FSTL1: variants seen among roughly 807,000 people sequenced by gnomAD.
FSTL1 encodes follistatin-related protein 1.
FSTL1 carries 24 observed loss-of-function variants against 45.9 expected under a neutral mutation model. The observed-to-expected ratio is 0.52, with a 90% confidence interval of 0.38 to 0.74. The LOEUF is 0.74. Among genes scored for constraint, FSTL1 ranks in the 30% least tolerant of loss-of-function variants. The pLI is 0.00. For synonymous variants in FSTL1, 120 were observed against 137.6 expected (o/e 0.87, Z 0.89); for missense variants, 340 against 381.8 (o/e 0.89, Z 0.91).
rs561501368 is a variant in FSTL1 at position 120,414,325 on chromosome 3, T to A, written c.168+1598A>T. 6.3e-3 allele frequency among the ~76,000 whole-genome samples: 959 copies of A among 151,246 alleles called. 5 individuals carry two copies. Among genetic ancestry groups the A allele is most frequent in the Non-Finnish European group, 0.011 (729 of 67,768 alleles). On this transcript the variant is annotated intron_variant, in intron 3 of 10. Transcript: ENST00000295633. ...GTCTCTGCCCGGCCGCCATCCCACC[T>A]AGGAAGTGAGGAGCACCTCTTCCCG...
chr3:120,450,643 GC>G (rs759481199), intron 2 of FSTL1, 40 bp downstream of exon 2: 12 of 1,419,802 alleles, frequency 8.5e-6, no homozygotes, highest in Admixed American at 4.5e-5. Context: ...GACCCAAGAG[GC>G]CCCGGGGACC....
At chr3:120,431,907 G>A (rs1455270755) in intron 2 of FSTL1, among the ~76,000 whole-genome samples, 1 of 152,150 alleles carries the variant, frequency 6.6e-6, no homozygotes. Context: ...CAGGCGTCAT[G>A]GGCACTTAGG....
intron 2 of FSTL1, among the ~76,000 whole-genome samples, chr3:120,425,281 C>T (rs549420826): frequency 1.3e-5 from 2 of 151,770 alleles, no homozygotes; most frequent in African/African-American, 4.8e-5. Context: ...GGGAGGAAAA[C>T]CAGGAAGCCT....
chr3:120,395,482 C>T lies in FSTL1; in HGVS notation c.*1470G>A, dbSNP rs1366864103. On this transcript the variant is annotated 3_prime_UTR_variant, in exon 11 of 11. Transcript: ENST00000295633. ...TCTCTAAGGGAATGCTTTCTATTTCCAGCCGGAGGTTAAACATGAAATGCA... is the reference window on the plus strand; with the variant it reads ...TCTCTAAGGGAATGCTTTCTATTTCTAGCCGGAGGTTAAACATGAAATGCA... The T allele has an allele frequency of 2.6e-6, 1 of 382,088 alleles. No homozygotes were observed. Among genetic ancestry groups the T allele is most frequent in the East Asian group, 7.9e-5 (1 of 12,636 alleles). The allele number at this position is 382,088 out of a possible 1,614,324, so 23.7% of individuals were successfully genotyped here.
chr3:120,411,653 G>C (rs1937055499), intron 4 of FSTL1, among the ~76,000 whole-genome samples: 1 of 152,226 alleles, frequency 6.6e-6, no homozygotes, highest in Admixed American at 6.5e-5. Flanking sequence ...CAAACCCTGG[G>C]CAGAGGCCTG....
chr3:120,402,746 C>T (rs1936850747), intron 9 of FSTL1, 62 bp downstream of exon 9: 5 of 1,048,524 alleles, frequency 4.8e-6, no homozygotes, highest in East Asian at 4.7e-5. Flanking sequence ...CAACTTCTCT[C>T]ATGCTGATTT....
chr3:120,431,242 A>T (rs1937473106), intron 2 of FSTL1, among the ~76,000 whole-genome samples: 1 of 152,130 alleles, frequency 6.6e-6, no homozygotes, highest in Non-Finnish European at 1.5e-5. Context: ...AAGTGCTGGG[A>T]TTATAGTTGT....
In FSTL1 at chr3:120,446,270, T is replaced by C. The variant is rs116707907; in HGVS notation, c.63+4414A>G. ...ACTTCAAAGACTTTCTTTTCGTCTT[T>C]GGGGCATTTCCTCTCGGATCATTAC... On this transcript the variant is annotated intron_variant, in intron 2 of 10. Transcript: ENST00000295633. 4.5e-3 allele frequency among the ~76,000 whole-genome samples: 687 copies of C among 152,356 alleles called. 9 individuals are homozygous for C. The highest frequency in any genetic ancestry group is 0.015 in the African/African-American group (643 of 41,590).
chr3:120,436,269 T>A (rs1937557365), intron 2 of FSTL1, among the ~76,000 whole-genome samples: 1 of 152,218 alleles, frequency 6.6e-6, no homozygotes, highest in Non-Finnish European at 1.5e-5. Context: ...GGAGTTTTAT[T>A]AAGAAATAAG....
chr3:120,412,010 T>TGTGCA, intron 3 of FSTL1, 27 bp from the exon 4 acceptor site: 1 of 1,599,022 alleles, frequency 6.3e-7, no homozygotes, highest in Non-Finnish European at 8.6e-7. Context: ...AGAGAATGTT[T>TGTGCA]GTGCAGTTAT....
At chr3:120,401,131 G>A (rs925484622) in intron 9 of FSTL1, among the ~76,000 whole-genome samples, 3 of 152,220 alleles carry the variant, frequency 2.0e-5, no homozygotes, top group Non-Finnish European at 2.9e-5. Flanking sequence ...GAAGCGGAGA[G>A]GTACTGAAGG....
At position 120,417,573 on chromosome 3, in the gene FSTL1, G is replaced by C. The variant is rs182503219; in HGVS notation, c.64-1546C>G. ...GAGGAAGTAATTCCCAGAAGTCCGC[G>C]GGGATTGGAGAGCTTTTGTTTTCCT... On this transcript the variant is annotated intron_variant, in intron 2 of 10. Coordinates refer to ENST00000295633, the MANE Select transcript of FSTL1 (RefSeq NM_007085.5). 1.1e-3 allele frequency among the ~76,000 whole-genome samples: 173 copies of C among 152,328 alleles called. 2 individuals are homozygous for C. Among genetic ancestry groups the C allele is most frequent in the African/African-American group, 4.0e-3 (168 of 41,576 alleles).
intron 2 of FSTL1, among the ~76,000 whole-genome samples, chr3:120,418,125 T>C (rs1234552586): frequency 6.6e-6 from 1 of 152,250 alleles, no homozygotes; most frequent in Non-Finnish European, 1.5e-5. Context: ...GGAATAGTTC[T>C]CAAAAATCCA....
chr3:120,403,936 A>C (rs1410608253), intron 7 of FSTL1, among the ~76,000 whole-genome samples: 8 of 131,390 alleles, frequency 6.1e-5, no homozygotes, highest in East Asian at 4.1e-4. Context: ...AAAAAAAAAA[A>C]AAAAAAAACA....
Position 120,442,797 on chromosome 3 carries a change from A to AG in FSTL1, c.63+7886_63+7887insC, listed in dbSNP as rs1298896024. On this transcript the variant is annotated intron_variant, in intron 2 of 10. Transcript: ENST00000295633. Reference sequence around the variant, plus strand: ...ACTCCATCTCAAAAAAGAAAAAAAAAAAAAAAAAAAAAAGCAGACTTGGAG... The same window carrying AG: ...ACTCCATCTCAAAAAAGAAAAAAAAAGAAAAAAAAAAAAAGCAGACTTGGAG... Among the ~76,000 whole-genome samples, 269 of 148,612 alleles carry AG rather than the reference A, an allele frequency of 1.8e-3. 20 individuals carry two copies. Among genetic ancestry groups the AG allele is most frequent in the African/African-American group, 6.4e-3 (256 of 39,702 alleles).
At chr3:120,427,323 C>G (rs1040115883) in intron 2 of FSTL1, among the ~76,000 whole-genome samples, 2 of 152,180 alleles carry the variant, frequency 1.3e-5, no homozygotes, top group African/African-American at 4.8e-5. Flanking sequence ...AAAAACAGAA[C>G]TGACTGTGTG....
At chr3:120,439,922 T>C (rs1326257899) in intron 2 of FSTL1, among the ~76,000 whole-genome samples, 1 of 152,160 alleles carries the variant, frequency 6.6e-6, no homozygotes, top group African/African-American at 2.4e-5. Context: ...GAGACCAGCA[T>C]GGGCAACAAG....
In FSTL1 at chr3:120,411,892, C is replaced by A. The variant is rs992866173; in HGVS notation, c.260G>T (p.Gly87Val). 5.0e-6 allele frequency: 8 copies of A among 1,613,938 alleles called. No homozygotes were observed. The highest frequency in any genetic ancestry group is 5.9e-6 in the Non-Finnish European group (7 of 1,179,792). Residue 87 changes from glycine to valine, a missense_variant, in exon 4 of 11, where the codon GGA (glycine) becomes GTA (valine). Transcript: ENST00000295633. ...ATCGTAATCAACCTGGATTTTGGAT[C>A]CAGTGAGGCAGGCATCTCGATGCAG... ...CELHRDACLT[G>V]SKIQVDYDGH... is the part of the protein sequence containing the mutation.
At chr3:120,403,942 A>ACAAC (rs1936887648) in intron 7 of FSTL1, among the ~76,000 whole-genome samples, 3 of 119,354 alleles carry the variant, frequency 2.5e-5, no homozygotes, top group Non-Finnish European at 5.2e-5. Flanking sequence ...AAAAAAAAAA[A>ACAAC]AACAAAAACA....
Sources: allele counts gnomAD v4.1 joint callset (sites outside exome capture counted in the v4.1 genomes callset), GRCh38; gene constraint gnomAD v4.1.1; transcripts MANE v1.5; gene names NCBI Gene and HGNC (gene_info 2026-07-23, HGNC 2026-07-21).